CACNA2D3: variants seen among roughly 807,000 people sequenced by gnomAD.
The protein encoded by CACNA2D3 is voltage-dependent calcium channel subunit alpha-2/delta-3.
CACNA2D3 carries 60 observed loss-of-function variants against 160.6 expected under a neutral mutation model. That is an observed-to-expected ratio of 0.37 (90% CI 0.30 to 0.46). The LOEUF (loss-of-function observed/expected upper bound fraction) is 0.46, where lower values mean the gene tolerates loss of function less well. CACNA2D3 is among the 20% of genes least tolerant of loss of function. The pLI, the probability that CACNA2D3 is intolerant of heterozygous loss-of-function variation, is 1.00. For missense variants in CACNA2D3, 1,205 were observed against 1,365.0 expected, an observed-to-expected ratio of 0.88 and a Z score of 1.85; for synonymous variants, 558 against 492.9, an observed-to-expected ratio of 1.13 and a Z score of -1.75.
intron 12 of CACNA2D3, among the ~76,000 whole-genome samples, chr3:54,762,045 A>G (rs1275606622): frequency 6.6e-6 from 1 of 152,082 alleles, no homozygotes. Flanking sequence ...GGCGAGTAGG[A>G]GGTGGTATGA....
intron 4 of CACNA2D3, among the ~76,000 whole-genome samples, chr3:54,444,299 G>A (rs145912510): frequency 1.2e-3 from 188 of 152,204 alleles, no homozygotes; most frequent in Non-Finnish European, 1.8e-3. Flanking sequence ...ACATTAATGA[G>A]CAATTCCTGC....
rs59950857 is a variant in CACNA2D3, at chr3:54,125,242, TAC to T, written c.204+1679_204+1680del. 9.3e-3 allele frequency among the ~76,000 whole-genome samples: 1,379 copies of T among 147,866 alleles called. 8 individuals carry two copies. Among genetic ancestry groups the T allele is most frequent in the East Asian group, 0.028 (143 of 5,020 alleles). ...ATGTTTTTTTCTTTCTCTTTGAAGTTACACACACACACACACACACACACACA... is the reference window on the plus strand; with the variant it reads ...ATGTTTTTTTCTTTCTCTTTGAAGTTACACACACACACACACACACACACA... On this transcript the variant is annotated intron_variant, in intron 2 of 37. Transcript: ENST00000474759.
intron 9 of CACNA2D3, among the ~76,000 whole-genome samples, chr3:54,611,200 C>T (rs1195659052): frequency 6.6e-6 from 1 of 152,216 alleles, no homozygotes; most frequent in Non-Finnish European, 1.5e-5. Context: ...GATTGAAATA[C>T]ATGTCACACC....
chr3:54,367,551 AC>A, intron 3 of CACNA2D3: 1 of 345,162 alleles, frequency 2.9e-6, no homozygotes, highest in Non-Finnish European at 5.8e-6. Context: ...GAGGAATGAA[AC>A]CCATCAGAGT....
At chr3:54,899,745 G>A (rs758043459) in intron 26 of CACNA2D3, 43 bp from the exon 27 acceptor site, 2 of 1,365,976 alleles carry the variant, frequency 1.5e-6, no homozygotes, top group Non-Finnish European at 2.1e-6. Context: ...CGTGTACACT[G>A]TAATTATCTT....
intron 2 of CACNA2D3, among the ~76,000 whole-genome samples, chr3:54,192,311 G>T (rs1700998970): frequency 1.3e-5 from 2 of 152,170 alleles, no homozygotes; most frequent in Non-Finnish European, 2.9e-5. Context: ...GGAAGTGCTT[G>T]CAGTTACAAA....
intron 11 of CACNA2D3, among the ~76,000 whole-genome samples, chr3:54,717,433 C>T (rs1701070679): frequency 6.6e-6 from 1 of 152,146 alleles, no homozygotes; most frequent in African/African-American, 2.4e-5. Context: ...TAACAAAGAG[C>T]ATTTTAGTTT....
intron 14 of CACNA2D3, among the ~76,000 whole-genome samples, chr3:54,817,527 G>T (rs1703484099): frequency 6.6e-6 from 1 of 152,198 alleles, no homozygotes; most frequent in South Asian, 2.1e-4. Flanking sequence ...GGACATTTAT[G>T]GCAGAAAATA....
chr3:54,918,950 A>C, intron 27 of CACNA2D3: 1 of 1,378,758 alleles, frequency 7.3e-7, no homozygotes, highest in Non-Finnish European at 9.6e-7. Flanking sequence ...GAGTTCCAAA[A>C]TCCTCTGCCT....
At chr3:54,626,469 G>A in intron 9 of CACNA2D3, 2 of 1,604,060 alleles carry the variant, frequency 1.2e-6, no homozygotes, top group Non-Finnish European at 1.7e-6. Flanking sequence ...TGATCATCCT[G>A]CCCGAGATGG....
At chr3:54,338,467 C>CTGTGTGTG (rs71074965) in intron 3 of CACNA2D3, among the ~76,000 whole-genome samples, 10,322 of 136,388 alleles carry the variant, frequency 0.076, 482 homozygotes, top group Middle Eastern at 0.1. Flanking sequence ...TCTCCCCTCC[C>CTGTGTGTG]TGTGTGTGTG....
In CACNA2D3 at chr3:54,139,564, C is replaced by T. The variant is rs745965170; in HGVS notation, c.204+15970C>T. 4.6e-5 allele frequency among the ~76,000 whole-genome samples: 7 copies of T among 152,130 alleles called. No homozygotes were observed. The South Asian group carries it at 1.2e-3, about 27-fold the overall frequency. ...AGTTGTGTATGGGAATGGAGTCTTC[C>T]TTGAATGTAAAAGGCAAAAATAAAA... On this transcript the variant is annotated intron_variant, in intron 2 of 37. Transcript: ENST00000474759.
intron 34 of CACNA2D3, among the ~76,000 whole-genome samples, chr3:55,016,982 C>T (rs1703339485): frequency 6.6e-6 from 1 of 152,194 alleles, no homozygotes; most frequent in Admixed American, 6.5e-5. Context: ...ACAGCAACAT[C>T]CCACATGGAC....
intron 11 of CACNA2D3, among the ~76,000 whole-genome samples, chr3:54,701,379 G>T (rs67730102): frequency 0.25 from 37,860 of 152,026 alleles, 5,067 homozygotes; most frequent in African/African-American, 0.29. Flanking sequence ...GAATTTCAAG[G>T]AGTCTACTGA....
intron 33 of CACNA2D3, among the ~76,000 whole-genome samples, chr3:55,009,034 G>A (rs1360498179): frequency 1.3e-5 from 2 of 152,034 alleles, no homozygotes; most frequent in African/African-American, 4.8e-5. Flanking sequence ...TCTGAACTAA[G>A]GGAAGAGAAG....
intron 2 of CACNA2D3, among the ~76,000 whole-genome samples, chr3:54,300,674 C>A (rs1703455019): frequency 6.6e-6 from 1 of 152,138 alleles, no homozygotes. Context: ...TCATTGTCAC[C>A]AATTCTGATT....
At chr3:54,487,880 T>C (rs1047161601) in intron 4 of CACNA2D3, among the ~76,000 whole-genome samples, 1 of 152,234 alleles carries the variant, frequency 6.6e-6, no homozygotes, top group Non-Finnish European at 1.5e-5. Flanking sequence ...GTGGCTGTTG[T>C]ATCAGACAGT....
chr3:54,537,032 T>A (rs888591007), intron 5 of CACNA2D3, among the ~76,000 whole-genome samples: 1 of 152,060 alleles, frequency 6.6e-6, no homozygotes, highest in Non-Finnish European at 1.5e-5. Flanking sequence ...TAACAATGAC[T>A]CTCTCTTAGT....
intron 27 of CACNA2D3, among the ~76,000 whole-genome samples, chr3:54,927,572 T>A (rs1043106348): frequency 6.6e-6 from 1 of 152,168 alleles, no homozygotes; most frequent in African/African-American, 2.4e-5. Flanking sequence ...TCTCTGAGAT[T>A]GTAGCCAATT....
Sources: allele counts gnomAD v4.1 joint callset (sites outside exome capture counted in the v4.1 genomes callset), GRCh38; gene constraint gnomAD v4.1.1; transcripts MANE v1.5; gene names NCBI Gene and HGNC (gene_info 2026-07-23, HGNC 2026-07-21).